Variants in TRIM2 observed in about 807,000 individuals in gnomAD.
The protein encoded by TRIM2 is tripartite motif containing 2, also known as tripartite motif-containing protein 2.
In TRIM2, 20 loss-of-function variants were observed where a neutral mutation model predicts 75.2. The ratio of observed to expected loss-of-function variants is 0.27; its 90% confidence interval spans 0.19 to 0.39. TRIM2 has a LOEUF of 0.39. Among genes scored for constraint, TRIM2 ranks in the 10% least tolerant of loss-of-function variants. The probability of loss-of-function intolerance (pLI) is 1.00; values close to 1 mark genes in which losing one functional copy is unlikely to be tolerated. For synonymous variants in TRIM2, 373 were observed against 388.3 expected (o/e 0.96, Z 0.46); for missense variants, 660 against 990.8 (o/e 0.67, Z 4.48).
At chr4:153,271,045 T>C (rs1440480111) in intron 2 of TRIM2, among the ~76,000 whole-genome samples, 1 of 152,218 alleles carries the variant, frequency 6.6e-6, no homozygotes, top group African/African-American at 2.4e-5. Context: ...TACCTGACTA[T>C]GTAATTTGCT....
At chr4:153,159,938 T>C (rs1231117409) in intron 1 of TRIM2, among the ~76,000 whole-genome samples, 1 of 152,260 alleles carries the variant, frequency 6.6e-6, no homozygotes, top group African/African-American at 2.4e-5. Flanking sequence ...CTATTTCCAT[T>C]AGTATATTAT....
chr4:153,244,372 C>CCTG, intron 1 of TRIM2, among the ~76,000 whole-genome samples: 1 of 54,104 alleles, frequency 1.8e-5, no homozygotes, highest in South Asian at 6.4e-4. Flanking sequence ...TCTTCTTCTT[C>CCTG]TTCTTCTTCT....
intron 3 of TRIM2, among the ~76,000 whole-genome samples, chr4:153,278,101 T>C (rs78439886): frequency 0.012 from 1,859 of 152,196 alleles, 48 homozygotes; most frequent in African/African-American, 0.042. Flanking sequence ...TTTATGGGTT[T>C]TTTAGTTTTT....
At chr4:153,275,382 T>G (rs185576962) in intron 2 of TRIM2, among the ~76,000 whole-genome samples, 1 of 152,326 alleles carries the variant, frequency 6.6e-6, no homozygotes, top group Non-Finnish European at 1.5e-5. Context: ...TTGATGTGTT[T>G]TTTATATCTC....
Position 153,336,535 on chromosome 4 carries a change from T to C in TRIM2, c.*1569T>C. ...GCTGTGGTCTATTTCCACTGTTTAA[T>C]TTTCTACTCAGTTCTACCAAATAGG... On this transcript the variant is annotated 3_prime_UTR_variant, in exon 12 of 12. Transcript: ENST00000338700. 6 of 985,870 alleles carry C rather than the reference T, an allele frequency of 6.1e-6. No individual in the cohort carries two copies. Among genetic ancestry groups the C allele is most frequent in the Non-Finnish European group, 7.2e-6 (6 of 829,930 alleles). 61.1% of individuals were successfully genotyped at this position (985,870 alleles called of 1,614,324 possible). A position where few individuals can be genotyped will look rare whatever the true frequency, so the allele number is the denominator to read the frequency against.
At chr4:153,305,026 G>C (rs1042170592) in intron 6 of TRIM2, among the ~76,000 whole-genome samples, 1 of 152,216 alleles carries the variant, frequency 6.6e-6, no homozygotes, top group African/African-American at 2.4e-5. Flanking sequence ...GATTTAGAGT[G>C]ATGTGATGGA....
intron 1 of TRIM2, among the ~76,000 whole-genome samples, chr4:153,260,696 C>CACACA (rs1560902840): frequency 0.021 from 1,246 of 58,056 alleles, 120 homozygotes; most frequent in African/African-American, 0.068. Context: ...ACCCACCCCC[C>CACACA]CCCCCACACA....
At chr4:153,308,055 G>A (rs910697116) in intron 6 of TRIM2, 1 of 788,460 alleles carries the variant, frequency 1.3e-6, no homozygotes, top group Non-Finnish European at 2.3e-6. Flanking sequence ...CATGTCATAA[G>A]GACTGTAGCT....
intron 1 of TRIM2, among the ~76,000 whole-genome samples, chr4:153,181,020 A>G (rs1182667606): frequency 6.6e-6 from 1 of 152,214 alleles, no homozygotes; most frequent in Non-Finnish European, 1.5e-5. Context: ...CCCACCTTGC[A>G]TATAGAAAAG....
chr4:153,250,774 CAG>C (rs1415841210), intron 1 of TRIM2, among the ~76,000 whole-genome samples: 1 of 152,208 alleles, frequency 6.6e-6, no homozygotes, highest in Non-Finnish European at 1.5e-5. Flanking sequence ...GGCAGGGAGT[CAG>C]GGGTGCTTGA....
intron 6 of TRIM2, among the ~76,000 whole-genome samples, chr4:153,314,787 A>G (rs1249490635): frequency 1.3e-5 from 2 of 151,940 alleles, no homozygotes; most frequent in African/African-American, 4.9e-5. Context: ...AAAATCGCCT[A>G]CTATTTTTAT....
intron 1 of TRIM2, among the ~76,000 whole-genome samples, chr4:153,260,696 C>T (rs35952882): frequency 0.26 from 14,977 of 57,368 alleles, 2,636 homozygotes; most frequent in African/African-American, 0.33. Flanking sequence ...ACCCACCCCC[C>T]CCCCCACACA....
chr4:153,161,014 C>G (rs973950357), intron 1 of TRIM2, among the ~76,000 whole-genome samples: 12 of 152,114 alleles, frequency 7.9e-5, no homozygotes, highest in African/African-American at 2.7e-4. Flanking sequence ...TTATGTTTCC[C>G]TGGGAGGGAG....
intron 1 of TRIM2, among the ~76,000 whole-genome samples, chr4:153,188,576 C>T (rs1179098302): frequency 6.6e-6 from 1 of 152,204 alleles, no homozygotes; most frequent in African/African-American, 2.4e-5. Context: ...TGCCCCAAGG[C>T]ACCCATTTCT....
chr4:153,270,505 C>T lies in TRIM2; in HGVS notation c.201C>T (p.His67=). ...ATCCCAAGGTTCTCCCCTGTCTGCA[C>T]ACTTTCTGCGAGAGGTAAGCCTCCT... is the stretch of plus-strand genomic sequence containing the variant. The part of the protein sequence containing the change: ...YKNPKVLPCL[H]TFCERCLQNY... Residue 67 remains histidine, a synonymous_variant, in exon 2 of 12, where the codon CAC becomes CAT. Transcript: ENST00000338700. 2.5e-6 allele frequency: 4 copies of T among 1,609,518 alleles called. No individual in the cohort carries two copies. In the South Asian group the frequency reaches 3.3e-5, roughly 13 times the overall value.
Position 153,248,728 on chromosome 4 carries a change from T to C in TRIM2, c.31-21607T>C, listed in dbSNP as rs2149908313. Among the ~76,000 whole-genome samples the C allele has an allele frequency of 6.6e-6, 1 of 152,344 alleles. No individual in the cohort carries two copies. Among genetic ancestry groups the C allele is most frequent in the East Asian group, 1.9e-4 (1 of 5,184 alleles). The stretch of plus-strand genomic sequence containing the variant: ...TTCTAATCGTGGATGAAAGTGACCC[T>C]GAGTTGTAGTGCCAGGCAGGTTGCT... On this transcript the variant is annotated intron_variant, in intron 1 of 11. Coordinates refer to ENST00000338700, the MANE Select transcript of TRIM2 (RefSeq NM_015271.5). This position sits in a 1 kb window ranked among gnomAD's most constrained non-coding sequence, Gnocchi z 4.0.
chr4:153,254,648 G>A (rs1395098736), intron 1 of TRIM2, among the ~76,000 whole-genome samples: 12 of 152,200 alleles, frequency 7.9e-5, no homozygotes, highest in East Asian at 7.7e-4. Context: ...GGCCTCCCAC[G>A]GTTACCCAAG....
upstream of TRIM2, among the ~76,000 whole-genome samples, chr4:153,203,198 C>T (rs1305514675): frequency 6.6e-6 from 1 of 150,626 alleles, no homozygotes; most frequent in Non-Finnish European, 1.5e-5. Flanking sequence ...ATATACTGAA[C>T]TTCTGATATG....
intron 1 of TRIM2, among the ~76,000 whole-genome samples, chr4:153,214,816 A>T (rs1263922489): frequency 6.6e-6 from 1 of 152,208 alleles, no homozygotes; most frequent in Non-Finnish European, 1.5e-5. Context: ...TTTGACAAGC[A>T]TACTAGGTGT....
Sources: gnomAD v4.1 joint callset for allele counts (sites outside exome capture counted in the v4.1 genomes callset) on GRCh38, gnomAD v4.1.1 for gene constraint, Gnocchi (gnomAD v3.1) non-coding constraint, MANE v1.5 for transcripts, NCBI Gene and HGNC (gene_info 2026-07-23, HGNC 2026-07-21) for gene names.